TMEM14B: variants seen among roughly 807,000 people sequenced by gnomAD.
The protein encoded by TMEM14B is transmembrane protein 14B.
A neutral mutation model predicts 14.8 loss-of-function variants in TMEM14B; 9 were observed. The ratio of observed to expected loss-of-function variants is 0.61; its 90% CI spans 0.37 to 1.06. The LOEUF (loss-of-function observed/expected upper bound fraction) is 1.06. TMEM14B is among the 50% of genes least tolerant of loss of function. The pLI is 0.01. For synonymous variants in TMEM14B, 40 were observed against 51.3 expected, an observed-to-expected ratio of 0.78 and a Z score of 0.94; for missense variants, 128 against 143.6, an observed-to-expected ratio of 0.89 and a Z score of 0.56.
chr6:10,753,186 A>G (rs532671542), intron 4 of TMEM14B, among the ~76,000 whole-genome samples: 33 of 151,606 alleles, frequency 2.2e-4, no homozygotes, highest in African/African-American at 7.8e-4. Context: ...CGGTGAGCCG[A>G]GATGACGCCA....
chr6:10,758,836 A>G (rs1284489397), downstream of TMEM14B: 1 of 159,318 alleles, frequency 6.3e-6, no homozygotes, highest in African/African-American at 2.4e-5. Flanking sequence ...AGAGCGAGCA[A>G]TATATACAGT....
At chr6:10,755,365 A>G in intron 5 of TMEM14B, 133 bp downstream of exon 5, 1 of 1,542,216 alleles carries the variant, frequency 6.5e-7, no homozygotes, top group South Asian at 1.2e-5. Flanking sequence ...CTTATACACT[A>G]ATAGGAGATG....
At chr6:10,748,219 T>A (rs973349227) in intron 1 of TMEM14B, among the ~76,000 whole-genome samples, 9 of 152,092 alleles carry the variant, frequency 5.9e-5, no homozygotes, top group South Asian at 2.1e-4. Context: ...CCCGCTGCCC[T>A]TCCCCGTTTT....
At chr6:10,749,132 G>A in intron 1 of TMEM14B, 70 bp from the exon 2 acceptor site, 1 of 1,010,756 alleles carries the variant, frequency 9.9e-7, no homozygotes. Context: ...CCTGCAGGTT[G>A]GACACACTTC....
chr6:10,755,291 CT>C, intron 5 of TMEM14B, 59 bp downstream of exon 5: 1 of 1,611,574 alleles, frequency 6.2e-7, no homozygotes, highest in Non-Finnish European at 8.5e-7. Flanking sequence ...GCCCAGAATA[CT>C]TTATGCATTC....
downstream of TMEM14B, among the ~76,000 whole-genome samples, chr6:10,758,199 A>G (rs1055853357): frequency 3.3e-5 from 5 of 152,094 alleles, no homozygotes; most frequent in Admixed American, 3.3e-4. Flanking sequence ...CAAAGCTATC[A>G]TCCTCCCAGG....
Position 10,756,640 on chromosome 6 carries a change from A to G in TMEM14B, c.*122A>G. The G allele has an allele frequency of 1.1e-5, 16 of 1,434,938 alleles. No individual in the cohort carries two copies. The highest frequency in any genetic ancestry group is 1.5e-5 in the Non-Finnish European group (16 of 1,094,206). The allele number at this position is 1,434,938 out of a possible 1,614,324, so 88.9% of individuals were successfully genotyped here. ...ATCTGACATTTTACCTAAAAAAAAAAAGACACCAAATTTGGCGGAGGGGTG... is the reference window on the plus strand; with the variant it reads ...ATCTGACATTTTACCTAAAAAAAAAGAGACACCAAATTTGGCGGAGGGGTG... On this transcript the variant is annotated 3_prime_UTR_variant, in exon 6 of 6. Transcript: ENST00000379542.
intron 4 of TMEM14B, 125 bp from the exon 5 acceptor site, chr6:10,755,017 T>C: frequency 1.9e-6 from 2 of 1,030,716 alleles, no homozygotes; most frequent in African/African-American, 3.2e-5. Flanking sequence ...TCTCCCCTAC[T>C]TGGGGAAGGA....
chr6:10,758,129 CTG>C (rs1771867654), downstream of TMEM14B, among the ~76,000 whole-genome samples: 1 of 152,162 alleles, frequency 6.6e-6, no homozygotes, highest in South Asian at 2.1e-4. Flanking sequence ...TTATAGGACT[CTG>C]GACAATTAAG....
At chr6:10,756,161 A>G (rs767028045) in intron 5 of TMEM14B, among the ~76,000 whole-genome samples, 2 of 152,194 alleles carry the variant, frequency 1.3e-5, no homozygotes, top group Non-Finnish European at 2.9e-5. Context: ...AGTCTACCAT[A>G]AATCAGATCT....
rs376040475 is a variant in TMEM14B at position 10,755,090 on chromosome 6, T to A, written c.203-52T>A. 118 of 1,590,188 alleles carry A rather than the reference T, an allele frequency of 7.4e-5. No homozygotes were observed. The African/African-American group carries it at 1.5e-3, about 20-fold the overall frequency. On this transcript the variant is annotated intron_variant, in intron 4 of 5. Transcript: ENST00000379542. ...TGGTGGGGCTTGGTCTACTTCTGATTCCCCTGCGTAGAAGACTAATGAGTT... is the reference window on the plus strand; with the variant it reads ...TGGTGGGGCTTGGTCTACTTCTGATACCCCTGCGTAGAAGACTAATGAGTT...
At chr6:10,758,769 G>A (rs1771884671), downstream of TMEM14B, among the ~76,000 whole-genome samples, 1 of 152,150 alleles carries the variant, frequency 6.6e-6, no homozygotes, top group Non-Finnish European at 1.5e-5. Flanking sequence ...CAGTTGACAT[G>A]AACTCCTTTT....
At chr6:10,754,028 C>T (rs1771700535) in intron 4 of TMEM14B, among the ~76,000 whole-genome samples, 1 of 152,152 alleles carries the variant, frequency 6.6e-6, no homozygotes, top group Non-Finnish European at 1.5e-5. Context: ...AGTCCTAGCA[C>T]TTTGGGAGGC....
rs964516106 is a variant in TMEM14B at position 10,749,070 on chromosome 6, C to T, written c.-44-132C>T. On this transcript the variant is annotated intron_variant, in intron 1 of 5. Coordinates refer to ENST00000379542, the MANE Select transcript of TMEM14B (RefSeq NM_030969.5). Reference sequence around the variant, plus strand: ...TCACAACACCCCCAGGAAATTGGTACCAGTGTTATCCTCATGGTACAGTGA... The same window carrying T: ...TCACAACACCCCCAGGAAATTGGTATCAGTGTTATCCTCATGGTACAGTGA... The T allele has an allele frequency of 5.1e-6, 3 of 590,160 alleles. No individual in the cohort carries two copies. The African/African-American group carries it at 5.5e-5, about 11-fold the overall frequency. The allele number at this position is 590,160 out of a possible 1,614,324, so 36.6% of individuals were successfully genotyped here.
chr6:10,754,156 G>C (rs1432461315), intron 4 of TMEM14B, among the ~76,000 whole-genome samples: 2 of 152,152 alleles, frequency 1.3e-5, no homozygotes, highest in African/African-American at 4.8e-5. Flanking sequence ...GGAGGTAGAG[G>C]TTGTAGTGAG....
At chr6:10,751,322 T>C (rs1771557467) in intron 4 of TMEM14B, 88 bp downstream of exon 4, 6 of 1,439,932 alleles carry the variant, frequency 4.2e-6, no homozygotes, top group Non-Finnish European at 5.7e-6. Flanking sequence ...ATGGAGCGAG[T>C]TCTTCCCACT....
At position 10,756,536 on chromosome 6, in the gene TMEM14B, C is replaced by T. The variant is rs768779913; in HGVS notation, c.*18C>T. The stretch of plus-strand genomic sequence containing the variant: ...CTGATTAGCAGAAGTCATGTTCCAG[C>T]TTGGACTCATGAAGGATTAAAAATC... On this transcript the variant is annotated 3_prime_UTR_variant, in exon 6 of 6. Coordinates refer to ENST00000379542, the MANE Select transcript of TMEM14B (RefSeq NM_030969.5). The T allele has an allele frequency of 1.2e-6, 2 of 1,611,014 alleles. No homozygotes were observed. Among genetic ancestry groups the T allele is most frequent in the East Asian group, 2.2e-5 (1 of 44,686 alleles).
chr6:10,755,354 A>G (rs965659900), intron 5 of TMEM14B, 122 bp downstream of exon 5: 1 of 1,557,090 alleles, frequency 6.4e-7, no homozygotes, highest in Non-Finnish European at 8.7e-7. Context: ...CTGACGTTTG[A>G]CTTATACACT....
chr6:10,752,625 G>A (rs545559653), intron 4 of TMEM14B, among the ~76,000 whole-genome samples: 32 of 151,860 alleles, frequency 2.1e-4, no homozygotes, highest in Non-Finnish European at 3.5e-4. Context: ...TCAGGCTAAC[G>A]TTTGCATTTT....
Sources: allele counts gnomAD v4.1 joint callset (sites outside exome capture counted in the v4.1 genomes callset), GRCh38; gene constraint gnomAD v4.1.1; transcripts MANE v1.5; gene names NCBI Gene and HGNC (gene_info 2026-07-23, HGNC 2026-07-21).